The following CD36 variants were observed in gnomAD, a reference collection of about 807,000 sequenced individuals.
The protein encoded by CD36 is CD36 molecule (CD36 blood group).
CD36 carries 119 observed loss-of-function variants against 55.2 expected under a neutral mutation model. The ratio of observed to expected loss-of-function variants is 2.15; its 90% CI spans 1.86 to 2.51. CD36 has a LOEUF of 2.51. Among genes scored for constraint, CD36 ranks in the 30% most tolerant of loss-of-function variants. The pLI is 0.00. For missense variants in CD36, 819 were observed against 555.5 expected, an observed-to-expected ratio of 1.47 and a Z score of -4.77; for synonymous variants, 186 against 193.6, an observed-to-expected ratio of 0.96 and a Z score of 0.33.
At chr7:80,676,231 A>C (rs926510073) in intron 14 of CD36, 153 bp from the exon 15 acceptor site, 3 of 152,164 alleles carry the variant, frequency 2.0e-5, no homozygotes, top group Non-Finnish European at 4.4e-5. Flanking sequence ...TAGTTGAAGA[A>C]ATGGTGGCAC....
At chr7:80,628,056 C>T (rs978739091) in intron 1 of CD36, among the ~76,000 whole-genome samples, 3 of 151,866 alleles carry the variant, frequency 2.0e-5, no homozygotes, top group Non-Finnish European at 4.4e-5. Context: ...CATAAAAAAA[C>T]GCACATCTGG....
At chr7:80,658,320 T>C (rs1446230054) in intron 4 of CD36, among the ~76,000 whole-genome samples, 1 of 152,180 alleles carries the variant, frequency 6.6e-6, no homozygotes, top group African/African-American at 2.4e-5. Context: ...TATATACTTA[T>C]GAAAATCTAG....
intron 3 of CD36, among the ~76,000 whole-genome samples, chr7:80,650,459 A>G (rs1377537579): frequency 6.6e-6 from 1 of 152,146 alleles, no homozygotes; most frequent in Non-Finnish European, 1.5e-5. Context: ...GTGTAAACCT[A>G]GAGAGCCAAG....
intron 6 of CD36, 110 bp downstream of exon 6, chr7:80,663,279 G>T: frequency 1.1e-6 from 1 of 918,360 alleles, no homozygotes; most frequent in Non-Finnish European, 1.8e-6. Flanking sequence ...TTGCTGATCT[G>T]GAGACATATA....
chr7:80,665,506 A>T (rs1411725659), intron 7 of CD36, among the ~76,000 whole-genome samples: 1 of 149,450 alleles, frequency 6.7e-6, no homozygotes, highest in African/African-American at 2.4e-5. Context: ...ACATATTTTT[A>T]TAGAAAAAGT....
chr7:80,676,401 A>G lies in CD36; in HGVS notation c.*18A>G, dbSNP rs953084599. 1.1e-4 allele frequency: 16 copies of G among 152,206 alleles called. No homozygotes were observed. The highest frequency in any genetic ancestry group is 7.2e-4 in the Admixed American group (11 of 15,272). The allele number at this position is 152,206 out of a possible 1,614,324, so 9.4% of individuals were successfully genotyped here. A position where few individuals can be genotyped will look rare whatever the true frequency, so the allele number is the denominator to read the frequency against. ...TTCTACAGACCTGGCTCAAGCACAA[A>G]CCAATTTGTGTTGTTCTGATTCAAT... On this transcript the variant is annotated 3_prime_UTR_variant, in exon 15 of 15. Transcript: ENST00000447544.
intron 13 of CD36, 166 bp from the exon 14 acceptor site, chr7:80,673,817 C>A: frequency 3.0e-6 from 2 of 660,366 alleles, no homozygotes; most frequent in Non-Finnish European, 5.5e-6. Context: ...CTATCTGGCA[C>A]TTAATTGCCT....
intron 1 of CD36, among the ~76,000 whole-genome samples, chr7:80,604,769 C>T (rs1001746687): frequency 2.0e-5 from 3 of 152,020 alleles, no homozygotes; most frequent in Non-Finnish European, 4.4e-5. Context: ...TTATTAGTTT[C>T]ATCTCTTCAT....
intron 14 of CD36, 24 bp from the exon 15 acceptor site, chr7:80,676,360 C>T (rs989731788): frequency 6.6e-6 from 1 of 152,110 alleles, no homozygotes; most frequent in African/African-American, 2.4e-5. Context: ...ATTTCCACAA[C>T]TGAATTGATT....
At chr7:80,653,367 T>C (rs1562798398) in intron 3 of CD36, among the ~76,000 whole-genome samples, 1 of 152,228 alleles carries the variant, frequency 6.6e-6, no homozygotes, top group Non-Finnish European at 1.5e-5. Context: ...TTATTGCTGT[T>C]GCATGAAAAC....
rs953906654 is a variant in CD36 at position 80,672,599 on chromosome 7, T to C, written c.1126-171T>C. Among the ~76,000 whole-genome samples, 24 of 151,896 alleles carry C rather than the reference T, an allele frequency of 1.6e-4. 1 individual carries two copies. The highest frequency in any genetic ancestry group is 4.4e-5 in the Non-Finnish European group (3 of 67,788). On this transcript the variant is annotated intron_variant, in intron 11 of 14. Transcript: ENST00000447544. ...TGGGCAAATAAATTGTGTGTATCTA[T>C]ATGGATGCATGTGTATATAACTATA...
At chr7:80,642,970 T>G (rs1452352783) in intron 1 of CD36, among the ~76,000 whole-genome samples, 1 of 152,178 alleles carries the variant, frequency 6.6e-6, no homozygotes, top group Non-Finnish European at 1.5e-5. Context: ...ACTATCTCAC[T>G]TCAGTTTTAA....
Position 80,677,389 on chromosome 7 carries a change from G to T in CD36, c.*1006G>T, listed in dbSNP as rs118015137. On this transcript the variant is annotated 3_prime_UTR_variant, in exon 15 of 15. Transcript: ENST00000447544. The stretch of plus-strand genomic sequence containing the variant: ...CTAGCTTGTGTTTTACCCACAGAAG[G>T]ATACAGGACAAAGGAATAGTAACTG... 2 of 152,204 alleles carry T rather than the reference G, an allele frequency of 1.3e-5. No homozygotes were observed. The highest frequency in any genetic ancestry group is 6.5e-5 in the Admixed American group (1 of 15,280). The allele number at this position is 152,204 out of a possible 1,614,324, so 9.4% of individuals were successfully genotyped here.
intron 1 of CD36, among the ~76,000 whole-genome samples, chr7:80,606,300 A>T (rs1285545161): frequency 6.6e-6 from 1 of 152,072 alleles, no homozygotes; most frequent in African/African-American, 2.4e-5. Flanking sequence ...TTAAATTCTC[A>T]GGTAGGTAGT....
rs180793101 is a variant in CD36, at chr7:80,632,854, C to T, written c.-183-13234C>T. Reference sequence around the variant, plus strand: ...TTAATCCAGGGCTATTATAATATTTCTCAGAACTAAAATTTGTGGTACCCT... The same window carrying T: ...TTAATCCAGGGCTATTATAATATTTTTCAGAACTAAAATTTGTGGTACCCT... On this transcript the variant is annotated intron_variant, in intron 1 of 13. Transcript: ENST00000309881. Among the ~76,000 whole-genome samples the T allele has an allele frequency of 6.4e-3, 967 of 152,016 alleles. 8 individuals carry two copies. The highest frequency in any genetic ancestry group is 0.022 in the African/African-American group (916 of 41,542).
chr7:80,659,669 G>A (rs1279900979), intron 4 of CD36, among the ~76,000 whole-genome samples: 1 of 136,148 alleles, frequency 7.3e-6, no homozygotes, highest in African/African-American at 2.5e-5. Context: ...CCATCTACTG[G>A]TATAATGTTG....
chr7:80,606,986 A>G (rs1446249503), intron 1 of CD36, among the ~76,000 whole-genome samples: 4 of 152,124 alleles, frequency 2.6e-5, no homozygotes, highest in Non-Finnish European at 5.9e-5. Context: ...TGTTATAATC[A>G]TTCAACAAAA....
At position 80,669,113 on chromosome 7, in the gene CD36, A is replaced by G. The variant is rs527899287; in HGVS notation, c.749-840A>G. Among the ~76,000 whole-genome samples the G allele has an allele frequency of 3.9e-5, 6 of 152,322 alleles. No individual in the cohort carries two copies. In the South Asian group the frequency reaches 1.2e-3, roughly 32 times the overall value. ...AAATGTGGACATGGCAGGAGATCCA[A>G]ATGAACTTCACTGGAAGAAAAGTGC... On this transcript the variant is annotated intron_variant, in intron 8 of 14. Transcript: ENST00000447544.
intron 1 of CD36, among the ~76,000 whole-genome samples, chr7:80,628,132 A>G (rs922788948): frequency 6.6e-6 from 1 of 152,046 alleles, no homozygotes; most frequent in African/African-American, 2.4e-5. Context: ...CTCTCCTACA[A>G]AAGTATTTAA....
Sources: gnomAD v4.1 joint callset for allele counts (sites outside exome capture counted in the v4.1 genomes callset) on GRCh38, gnomAD v4.1.1 for gene constraint, MANE v1.5 for transcripts, NCBI Gene and HGNC (gene_info 2026-07-23, HGNC 2026-07-21) for gene names.